Variants in FRMD4A observed in about 807,000 individuals in gnomAD.
The protein encoded by FRMD4A is FERM domain-containing protein 4A.
In FRMD4A, 29 loss-of-function variants were observed where a neutral mutation model predicts 129.1. The ratio of observed to expected loss-of-function variants is 0.22; its 90% CI spans 0.17 to 0.31. FRMD4A has a LOEUF of 0.31. Among genes scored for constraint, FRMD4A ranks in the 10% least tolerant of loss-of-function variants. The probability of loss-of-function intolerance (pLI) is 1.00; values close to 1 mark genes in which losing one functional copy is unlikely to be tolerated. For synonymous variants in FRMD4A, 634 were observed against 571.6 expected (o/e 1.11, Z -1.56); for missense variants, 1,272 against 1,375.8 (o/e 0.92, Z 1.19).
intron 2 of FRMD4A, among the ~76,000 whole-genome samples, chr10:14,278,948 C>T (rs893407908): frequency 4.6e-5 from 7 of 152,142 alleles, no homozygotes; most frequent in Non-Finnish European, 8.8e-5. Context: ...TAACTGCCTC[C>T]CTTTCCCTTT....
At chr10:13,942,291 C>T (rs1219534074) in intron 2 of FRMD4A, among the ~76,000 whole-genome samples, 1 of 152,220 alleles carries the variant, frequency 6.6e-6, no homozygotes, top group Non-Finnish European at 1.5e-5. Context: ...ATAGATGTCT[C>T]TGCAATGATG....
At chr10:14,161,316 G>A (rs959678723) in intron 2 of FRMD4A, among the ~76,000 whole-genome samples, 7 of 152,090 alleles carry the variant, frequency 4.6e-5, no homozygotes, top group Non-Finnish European at 1.0e-4. Flanking sequence ...TTCCACTATC[G>A]GGTATTTATC....
chr10:14,117,582 C>T (rs1265114999), intron 2 of FRMD4A, among the ~76,000 whole-genome samples: 6 of 152,152 alleles, frequency 3.9e-5, no homozygotes, highest in Non-Finnish European at 7.3e-5. Context: ...AGAAAGGAGG[C>T]CCCAACCAAA....
In FRMD4A at chr10:14,131,399, C is replaced by CCCCT. The variant is rs1554767033; in HGVS notation, c.45+198658_45+198659insAGGG. Among the ~76,000 whole-genome samples the CCCCT allele has an allele frequency of 4.7e-3, 713 of 151,192 alleles. 8 individuals carry two copies. Among genetic ancestry groups the CCCCT allele is most frequent in the East Asian group, 0.042 (213 of 5,084 alleles). On this transcript the variant is annotated intron_variant, in intron 2 of 24. Transcript: ENST00000357447. The stretch of plus-strand genomic sequence containing the variant: ...GCTCCTTAGCCCAACTCACTGTGCC[C>CCCCT]CCCCCGGCCGCCCTGTTGTCTCTAG...
At chr10:13,798,849 A>G (rs2093185143) in intron 4 of FRMD4A, among the ~76,000 whole-genome samples, 1 of 152,250 alleles carries the variant, frequency 6.6e-6, no homozygotes, top group African/African-American at 2.4e-5. Flanking sequence ...TGCCAATGTC[A>G]TCTCTGCCCA....
chr10:14,059,824 T>C (rs1427604735), intron 2 of FRMD4A, among the ~76,000 whole-genome samples: 2 of 152,208 alleles, frequency 1.3e-5, no homozygotes, highest in Admixed American at 6.5e-5. Flanking sequence ...ATGATATCCT[T>C]TGAGTAGTCA....
chr10:14,106,441 T>C (rs949007270), intron 2 of FRMD4A, among the ~76,000 whole-genome samples: 1 of 152,218 alleles, frequency 6.6e-6, no homozygotes, highest in Non-Finnish European at 1.5e-5. Context: ...TACTACTGGA[T>C]TGGTTGTTTC....
chr10:14,229,801 A>C (rs959801287), intron 2 of FRMD4A, among the ~76,000 whole-genome samples: 8 of 152,208 alleles, frequency 5.3e-5, no homozygotes, highest in Non-Finnish European at 1.2e-4. Context: ...CCTATATAAA[A>C]TATAAAACTA....
intron 2 of FRMD4A, among the ~76,000 whole-genome samples, chr10:14,274,241 T>C (rs1419510814): frequency 6.6e-6 from 1 of 152,194 alleles, no homozygotes. Flanking sequence ...AGTCGATCCC[T>C]AGAGGGATGG....
intron 2 of FRMD4A, among the ~76,000 whole-genome samples, chr10:14,166,169 A>G (rs1816833979): frequency 6.6e-6 from 1 of 150,564 alleles, no homozygotes; most frequent in South Asian, 2.1e-4. Flanking sequence ...TGTTATATAA[A>G]TAATATATTA....
chr10:13,890,066 A>G (rs1232858364), intron 2 of FRMD4A, among the ~76,000 whole-genome samples: 1 of 152,234 alleles, frequency 6.6e-6, no homozygotes, highest in Non-Finnish European at 1.5e-5. Context: ...ATCATCTCCT[A>G]ACCTTCTAGG....
chr10:13,985,371 G>A (rs763365430), intron 2 of FRMD4A, among the ~76,000 whole-genome samples: 6 of 152,204 alleles, frequency 3.9e-5, no homozygotes, highest in African/African-American at 9.7e-5. Context: ...AATGGAGGAC[G>A]CCTGCTGAGC....
chr10:13,971,133 C>G (rs1010304885), intron 2 of FRMD4A, among the ~76,000 whole-genome samples: 1 of 152,134 alleles, frequency 6.6e-6, no homozygotes. Flanking sequence ...CACGCACGCA[C>G]GCGCTCACAC....
At chr10:13,679,887 T>G (rs1181668380) in intron 15 of FRMD4A, among the ~76,000 whole-genome samples, 7 of 151,972 alleles carry the variant, frequency 4.6e-5, no homozygotes, top group African/African-American at 1.5e-4. Context: ...ACCAGCAACA[T>G]TCCACAGAAG....
intron 2 of FRMD4A, among the ~76,000 whole-genome samples, chr10:14,102,140 G>T (rs1837338530): frequency 1.3e-5 from 2 of 152,140 alleles, no homozygotes; most frequent in Non-Finnish European, 2.9e-5. Flanking sequence ...CCATAGATTG[G>T]AAGATTCTTT....
chr10:14,174,879 C>CTGTGTGTGTG (rs56966643), intron 2 of FRMD4A, among the ~76,000 whole-genome samples: 90 of 87,632 alleles, frequency 1.0e-3, no homozygotes, highest in Middle Eastern at 6.3e-3. Context: ...GTGTGTGTGT[C>CTGTGTGTGTG]TGTGTGTGTG....
chr10:13,803,762 C>T (rs1468850556), intron 4 of FRMD4A, among the ~76,000 whole-genome samples: 1 of 152,202 alleles, frequency 6.6e-6, no homozygotes, highest in East Asian at 1.9e-4. Context: ...AGAGCAGATG[C>T]TAAATAAATA....
chr10:13,678,330 G>T (rs1334729322), intron 15 of FRMD4A, among the ~76,000 whole-genome samples: 1 of 152,194 alleles, frequency 6.6e-6, no homozygotes, highest in Non-Finnish European at 1.5e-5. Flanking sequence ...ATGGTGTCTG[G>T]GTACCAGGTC....
At chr10:13,839,583 C>T (rs1412397142) in intron 3 of FRMD4A, among the ~76,000 whole-genome samples, 1 of 152,192 alleles carries the variant, frequency 6.6e-6, no homozygotes, top group East Asian at 1.9e-4. Flanking sequence ...TTTCTCCTTT[C>T]AGCTTGTACA....
Sources: gnomAD v4.1 joint callset for allele counts (sites outside exome capture counted in the v4.1 genomes callset) on GRCh38, gnomAD v4.1.1 for gene constraint, MANE v1.5 for transcripts, NCBI Gene and HGNC (gene_info 2026-07-23, HGNC 2026-07-21) for gene names.